MYH7B: variants seen among roughly 807,000 people sequenced by gnomAD.
MYH7B encodes the protein myosin heavy chain 7B.
A neutral mutation model predicts 234.5 loss-of-function variants in MYH7B; 205 were observed. That is an observed-to-expected ratio of 0.87 (90% CI 0.78 to 0.98). MYH7B has a LOEUF of 0.98. Ranked by LOEUF, MYH7B falls within the 50% of genes least tolerant of loss-of-function variation. The pLI is 0.00. For missense variants in MYH7B, 2,652 were observed against 2,633.4 expected (o/e 1.01, Z -0.15); for synonymous variants, 1,193 against 1,105.0 (o/e 1.08, Z -1.58).
In MYH7B at chr20:34,995,366, C is replaced by T. The variant is rs202189096; in HGVS notation, c.2731C>T (p.Arg911Cys). Residue 911 changes from arginine (R) to cysteine (C), a missense_variant, in exon 28 of 45, where the codon CGC becomes TGC. By Grantham distance (180) the Arg-to-Cys change is radical. Transcript: ENST00000262873. ...GGACAACCTGGCAGATGCCGAGGAG[C>T]GCTGCCACTTGCTGATCAAGTCCAA... is the stretch of plus-strand genomic sequence containing the variant. The T allele has an allele frequency of 4.5e-5, 73 of 1,613,536 alleles. No individual in the cohort carries two copies. The highest frequency in any genetic ancestry group is 5.3e-5 in the Non-Finnish European group (62 of 1,179,928).
chr20:34,998,702 C>T lies in MYH7B; in HGVS notation c.3994-17C>T, dbSNP rs767757951. On this transcript the variant is annotated splice_polypyrimidine_tract_variant and intron_variant, in intron 34 of 44. Coordinates refer to ENST00000262873, the Ensembl canonical transcript of MYH7B. ...CACTGGGCTGCACTAACGCTGAGGT[C>T]ACTGGTGTCCCTGCAGGCCAAGAGT... 1.5e-5 allele frequency: 24 copies of T among 1,611,200 alleles called. No homozygotes were observed. Among genetic ancestry groups the T allele is most frequent in the East Asian group, 2.2e-5 (1 of 44,840 alleles).
intron 24 of MYH7B, among the ~76,000 whole-genome samples, chr20:34,992,726 T>C (rs2082178705): frequency 6.6e-6 from 1 of 151,940 alleles, no homozygotes; most frequent in African/African-American, 2.4e-5. Flanking sequence ...CCCGCCACCA[T>C]GCCCCACTAA....
At chr20:34,971,255 G>A (rs1376748385) in intron 2 of MYH7B, among the ~76,000 whole-genome samples, 1 of 152,146 alleles carries the variant, frequency 6.6e-6, no homozygotes, top group African/African-American at 2.4e-5. Context: ...TGGCATGATG[G>A]CTGAAGGGCC....
exon 20 of MYH7B, chr20:34,989,842 C>A: frequency 6.2e-7 from 1 of 1,614,206 alleles, no homozygotes; most frequent in South Asian, 1.1e-5. Context: ...GGGGAAGTCA[C>A]CCAATTTCCA....
chr20:34,997,050 GC>G, intron 30 of MYH7B, 32 bp from the exon 31 acceptor site: 1 of 1,396,042 alleles, frequency 7.2e-7, no homozygotes, highest in Middle Eastern at 2.4e-4. Context: ...GGGAGTTAAG[GC>G]CTGTGCTGGC....
In MYH7B at chr20:34,999,202, C is replaced by T. The variant is rs1468057709; in HGVS notation, c.4337C>T (p.Ala1446Val). Residue 1446 changes from alanine to valine, a missense_variant, in exon 36 of 45, where the codon GCT becomes GTT. This residue lies in a region of MYH7B where 2,279 missense variants were observed against 2,211.4 expected (regional missense o/e 1.03). Coordinates refer to ENST00000262873, the Ensembl canonical transcript of MYH7B. ...GAGCTGGAGCGGGCGACCTCAGCAGCTGCTGCGCTGGACAAGAAGCAGCGG... is the reference window on the plus strand; with the variant it reads ...GAGCTGGAGCGGGCGACCTCAGCAGTTGCTGCGCTGGACAAGAAGCAGCGG... 5.0e-6 allele frequency: 8 copies of T among 1,612,752 alleles called. No individual in the cohort carries two copies. In the East Asian group the frequency reaches 1.6e-4, roughly 31 times the overall value.
chr20:34,956,416 T>C (rs766435695), intron 1 of MYH7B, among the ~76,000 whole-genome samples: 4 of 152,144 alleles, frequency 2.6e-5, no homozygotes, highest in African/African-American at 7.2e-5. Context: ...TTTAAAAATA[T>C]GCGGATTCAT....
chr20:34,995,526 T>A, exon 28 of MYH7B: 3 of 1,614,144 alleles, frequency 1.9e-6, no homozygotes, highest in Non-Finnish European at 2.5e-6. Context: ...ATTGATGACC[T>A]GGAGCTGACA....
exon 19 of MYH7B, chr20:34,988,115 C>T: frequency 6.2e-7 from 1 of 1,613,950 alleles, no homozygotes; most frequent in Non-Finnish European, 8.5e-7. Context: ...AACAGCTGTG[C>T]ATCAACTTCA....
intron 28 of MYH7B, among the ~76,000 whole-genome samples, chr20:34,995,993 G>C (rs1465646223): frequency 2.6e-5 from 4 of 152,238 alleles, no homozygotes; most frequent in Non-Finnish European, 2.9e-5. Context: ...TTACACAGGA[G>C]GGAAAGTGAG....
chr20:34,960,322 G>A (rs566260866), intron 2 of MYH7B, among the ~76,000 whole-genome samples: 7 of 152,048 alleles, frequency 4.6e-5, no homozygotes, highest in Non-Finnish European at 8.8e-5. Context: ...TGCAAGCTCC[G>A]CCTCCCGTGT....
At chr20:34,989,697 G>A in intron 19 of MYH7B, 43 bp from the exon 20 acceptor site, 1 of 1,589,076 alleles carries the variant, frequency 6.3e-7, no homozygotes, top group Middle Eastern at 1.8e-4. Flanking sequence ...CTTCCAGGAT[G>A]GACTGGCTTG....
chr20:34,984,887 C>G, exon 12 of MYH7B: 3 of 1,614,086 alleles, frequency 1.9e-6, no homozygotes, highest in East Asian at 2.2e-5. Flanking sequence ...CGAGGCCAAC[C>G]CTGCCATGGA....
In MYH7B at chr20:34,958,091, T is replaced by TG. The variant is rs1363372301; in HGVS notation, c.-336-6dup. Reference sequence around the variant, plus strand: ...ATCAAAAGCATGACCCAGGGTTCTCTGTGCAGGTTCCCCTCTTCCAAGACG... The same window carrying TG: ...ATCAAAAGCATGACCCAGGGTTCTCTGGTGCAGGTTCCCCTCTTCCAAGACG... On this transcript the variant is annotated splice_polypyrimidine_tract_variant and splice_region_variant and intron_variant, in intron 1 of 44. Coordinates refer to ENST00000262873, the Ensembl canonical transcript of MYH7B. 6.6e-6 allele frequency among the ~76,000 whole-genome samples: 1 copy of TG among 152,224 alleles called. No homozygotes were observed. Among genetic ancestry groups the TG allele is most frequent in the African/African-American group, 2.4e-5 (1 of 41,464 alleles).
exon 28 of MYH7B, chr20:34,995,383 C>A: frequency 6.2e-7 from 1 of 1,614,026 alleles, no homozygotes; most frequent in Non-Finnish European, 8.5e-7. Context: ...ACTTGCTGAT[C>A]AAGTCCAAGG....
intron 2 of MYH7B, among the ~76,000 whole-genome samples, chr20:34,971,339 G>A (rs540629463): frequency 1.3e-5 from 2 of 152,122 alleles, no homozygotes; most frequent in African/African-American, 2.4e-5. Flanking sequence ...GGCTGAGGTC[G>A]CAGTCCCCTC....
intron 13 of MYH7B, 71 bp from the exon 14 acceptor site, chr20:34,986,029 C>A: frequency 1.5e-6 from 2 of 1,334,640 alleles, no homozygotes; most frequent in African/African-American, 1.4e-5. Context: ...TCTCTCCCTC[C>A]GCATCGCCCC....
chr20:34,998,594 G>T lies in MYH7B; in HGVS notation c.3958G>T (p.Glu1320Ter). Reference sequence around the variant, plus strand: ...AAAGGCCCTGGCCGCCCAAAGCCTGGAAGAGTTGCGGCGCCAGCTAGAGGA... The same window carrying T: ...AAAGGCCCTGGCCGCCCAAAGCCTGTAAGAGTTGCGGCGCCAGCTAGAGGA... The change falls in exon 34 of 45, where the codon GAA becomes TAA. Residue 1320 changes from glutamate to a stop codon, truncating the protein, a stop_gained. Transcript: ENST00000262873. LOFTEE classifies it high-confidence loss of function. 1 of 1,613,452 alleles carries T rather than the reference G, an allele frequency of 6.2e-7. No homozygotes were observed. Among genetic ancestry groups the T allele is most frequent in the African/African-American group, 1.3e-5 (1 of 75,078 alleles).
chr20:34,976,295 G>A (rs767934090), intron 3 of MYH7B, among the ~76,000 whole-genome samples: 2 of 152,172 alleles, frequency 1.3e-5, no homozygotes, highest in Non-Finnish European at 2.9e-5. Context: ...TCTATATTTC[G>A]TCTAGCACAC....
Sources: gnomAD v4.1 joint callset for allele counts (sites outside exome capture counted in the v4.1 genomes callset) on GRCh38, gnomAD v4.1.1 for gene constraint, gnomAD v4.1.1 regional missense constraint, MANE v1.5 for transcripts, NCBI Gene and HGNC (gene_info 2026-07-23, HGNC 2026-07-21) for gene names.